Variants in COBL observed in about 807,000 individuals in gnomAD.
The protein encoded by COBL is cordon-bleu WH2 repeat protein, also known as protein cordon-bleu.
In COBL, 51 loss-of-function variants were observed where a neutral mutation model predicts 98.8. The observed-to-expected ratio is 0.52, with a 90% CI of 0.41 to 0.65. The LOEUF (loss-of-function observed/expected upper bound fraction) is 0.65, where lower values mean the gene tolerates loss of function less well. Among genes scored for constraint, COBL ranks in the 30% least tolerant of loss-of-function variants. The pLI, the probability that COBL is intolerant of heterozygous loss-of-function variation, is 0.00. For synonymous variants in COBL, 634 were observed against 651.7 expected (o/e 0.97, Z 0.41); for missense variants, 1,617 against 1,617.5 (o/e 1.00, Z 0.01).
chr7:51,098,166 C>T lies in COBL; in HGVS notation c.958-12862G>A, dbSNP rs770491585. Among the ~76,000 whole-genome samples the T allele has an allele frequency of 7.4e-5, 11 of 147,906 alleles. 1 individual carries two copies. Among genetic ancestry groups the T allele is most frequent in the Admixed American group, 2.7e-4 (4 of 14,768 alleles). ...TATTAATAATGTTAAAATGTCCATG[C>T]TACCCAAAACAATCTATACATTCAA... is the stretch of plus-strand genomic sequence containing the variant. On this transcript the variant is annotated intron_variant, in intron 6 of 12. Coordinates refer to ENST00000265136, the MANE Select transcript of COBL (RefSeq NM_015198.5).
intron 1 of COBL, among the ~76,000 whole-genome samples, chr7:51,272,240 T>C (rs1015154048): frequency 2.0e-5 from 3 of 152,208 alleles, no homozygotes; most frequent in Non-Finnish European, 2.9e-5. Flanking sequence ...CTCCCTGTTG[T>C]TTCATACAAG....
chr7:51,315,577 T>C (rs1024887953), intron 1 of COBL, among the ~76,000 whole-genome samples: 8 of 151,458 alleles, frequency 5.3e-5, no homozygotes, highest in African/African-American at 2.0e-4. Context: ...ACCCCAACCC[T>C]CATTCCATTT....
At chr7:51,305,596 T>C (rs1223139545) in intron 1 of COBL, among the ~76,000 whole-genome samples, 1 of 152,160 alleles carries the variant, frequency 6.6e-6, no homozygotes, top group Non-Finnish European at 1.5e-5. Flanking sequence ...ATTACTTTTG[T>C]GAAAGTGACT....
chr7:51,111,566 C>T (rs917557517), intron 6 of COBL, among the ~76,000 whole-genome samples: 7 of 152,290 alleles, frequency 4.6e-5, no homozygotes, highest in Non-Finnish European at 7.4e-5. Flanking sequence ...AGCCTCAGCA[C>T]GGAGTGTCCT....
In COBL at chr7:51,188,075, A is replaced by G. The variant is rs372108030; in HGVS notation, c.685+2775T>C. Reference sequence around the variant, plus strand: ...GGGGCTGTCCTGCTGCAGCAGTGAGAAGGTCTCTTGCTGGGTCAGCTTGCC... The same window carrying G: ...GGGGCTGTCCTGCTGCAGCAGTGAGGAGGTCTCTTGCTGGGTCAGCTTGCC... On this transcript the variant is annotated intron_variant, in intron 4 of 12. Transcript: ENST00000265136. The G allele has an allele frequency of 1.1e-5, 9 of 829,514 alleles. No homozygotes were observed. In the African/African-American group the frequency reaches 1.4e-4, roughly 13 times the overall value. The allele number at this position is 829,514 out of a possible 1,614,324, so 51.4% of individuals were successfully genotyped here.
chr7:51,101,553 C>T (rs1006890967), intron 6 of COBL, among the ~76,000 whole-genome samples: 8 of 152,198 alleles, frequency 5.3e-5, no homozygotes, highest in Admixed American at 2.0e-4. Context: ...CTGTCCTTAC[C>T]TTGCCTTCCC....
At chr7:51,202,665 G>A (rs1357649532) in intron 2 of COBL, among the ~76,000 whole-genome samples, 2 of 152,180 alleles carry the variant, frequency 1.3e-5, no homozygotes, top group Admixed American at 6.5e-5. Context: ...AATGAACATG[G>A]AAACAAAAGT....
intron 1 of COBL, among the ~76,000 whole-genome samples, chr7:51,243,138 T>C (rs532149437): frequency 6.6e-6 from 1 of 152,314 alleles, no homozygotes; most frequent in African/African-American, 2.4e-5. Context: ...AAACATGGCA[T>C]GAACTGATGT....
chr7:51,134,703 G>C (rs1042968607), intron 6 of COBL, among the ~76,000 whole-genome samples: 1 of 152,132 alleles, frequency 6.6e-6, no homozygotes, highest in Non-Finnish European at 1.5e-5. Flanking sequence ...GCATGTAGCT[G>C]GGAAAGGCCA....
At chr7:51,280,033 C>CA (rs1188801213) in intron 1 of COBL, among the ~76,000 whole-genome samples, 1 of 152,068 alleles carries the variant, frequency 6.6e-6, no homozygotes, top group Admixed American at 6.6e-5. Flanking sequence ...GATGGAATAA[C>CA]ACATTGTGCC....
chr7:51,177,080 TCATAAAA>T (rs1158455968), intron 5 of COBL, among the ~76,000 whole-genome samples: 4 of 152,188 alleles, frequency 2.6e-5, no homozygotes, highest in African/African-American at 9.7e-5. Context: ...GTGTTTAAGG[TCATAAAA>T]CTGTTGCTTC....
intron 1 of COBL, among the ~76,000 whole-genome samples, chr7:51,236,133 T>C (rs1484402829): frequency 6.6e-6 from 1 of 152,228 alleles, no homozygotes; most frequent in Non-Finnish European, 1.5e-5. Context: ...ACCAAGCCTC[T>C]GACGGCAACC....
chr7:51,299,789 G>C (rs1326438044), intron 1 of COBL, among the ~76,000 whole-genome samples: 1 of 152,186 alleles, frequency 6.6e-6, no homozygotes. Flanking sequence ...CTAGGGGGAT[G>C]AGGAACATAA....
intron 5 of COBL, among the ~76,000 whole-genome samples, chr7:51,182,268 T>C (rs145122504): frequency 1.4e-5 from 2 of 142,316 alleles, no homozygotes; most frequent in Non-Finnish European, 3.0e-5. Flanking sequence ...AAAATTCAAA[T>C]ACAAAATTCT....
At chr7:51,093,190 A>G (rs1794972085) in intron 6 of COBL, among the ~76,000 whole-genome samples, 1 of 152,238 alleles carries the variant, frequency 6.6e-6, no homozygotes, top group Non-Finnish European at 1.5e-5. Flanking sequence ...AAAAAACTAA[A>G]TAACTGAATT....
intron 7 of COBL, among the ~76,000 whole-genome samples, chr7:51,063,288 C>T (rs1325049685): frequency 6.6e-6 from 1 of 152,056 alleles, no homozygotes; most frequent in Admixed American, 6.5e-5. Flanking sequence ...GCACCCACCA[C>T]CGCGCCCGGC....
chr7:51,258,836 A>G lies in COBL; in HGVS notation c.42-38892T>C, dbSNP rs114982032. Among the ~76,000 whole-genome samples, 406 of 152,358 alleles carry G rather than the reference A, an allele frequency of 2.7e-3. 2 individuals carry two copies. The highest frequency in any genetic ancestry group is 9.2e-3 in the African/African-American group (384 of 41,588). ...TCCCCATTTCCATCTAAATGACCAC[A>G]GCAATACAGTTTTTAGTCACTCAAC... On this transcript the variant is annotated intron_variant, in intron 1 of 12. Transcript: ENST00000265136.
chr7:51,048,539 G>A (rs1384169976), intron 7 of COBL, among the ~76,000 whole-genome samples: 1 of 151,918 alleles, frequency 6.6e-6, no homozygotes, highest in Non-Finnish European at 1.5e-5. Flanking sequence ...CCTTTAACAG[G>A]CAGAATTTTA....
intron 2 of COBL, among the ~76,000 whole-genome samples, chr7:51,209,410 C>T (rs74460584): frequency 6.6e-6 from 1 of 152,170 alleles, no homozygotes; most frequent in Non-Finnish European, 1.5e-5. Flanking sequence ...GCACCTGGTG[C>T]GGCCTGGGCA....
Sources: gnomAD v4.1 joint callset for allele counts (sites outside exome capture counted in the v4.1 genomes callset) on GRCh38, gnomAD v4.1.1 for gene constraint, MANE v1.5 for transcripts, NCBI Gene and HGNC (gene_info 2026-07-23, HGNC 2026-07-21) for gene names.